Variants in DLX1 observed in about 807,000 individuals in gnomAD.
The protein encoded by DLX1 is distal-less homeobox 1.
In DLX1, 7 loss-of-function variants were observed where a neutral mutation model predicts 25.0. The ratio of observed to expected loss-of-function variants is 0.28; its 90% CI spans 0.16 to 0.52. The LOEUF (loss-of-function observed/expected upper bound fraction) is 0.52, where lower values mean the gene tolerates loss of function less well. DLX1 is among the 20% of genes least tolerant of loss of function. DLX1 has a pLI of 0.96. For missense variants in DLX1, 233 were observed against 334.4 expected, an observed-to-expected ratio of 0.70 and a Z score of 2.37; for synonymous variants, 155 against 140.3, an observed-to-expected ratio of 1.10 and a Z score of -0.74.
At chr2:172,086,071 GGAGAGA>G in intron 1 of DLX1, 81 bp downstream of exon 1, 1 of 1,052,336 alleles carries the variant, frequency 9.5e-7, no homozygotes, top group Non-Finnish European at 1.3e-6. Context: ...AAGAGGAGAG[GGAGAGA>G]GAGAGAAAGA....
chr2:172,086,786 A>G lies in DLX1; in HGVS notation c.446A>G (p.Gln149Arg). Residue 149 changes from glutamine to arginine, a missense_variant, in exon 2 of 3, where the codon CAA (glutamine) becomes CGA (arginine). Gln to Arg is a conservative substitution (Grantham distance 43, BLOSUM62 1). Around this residue, in one of 3 missense-constraint regions of DLX1, gnomAD observed 23 missense variants for 82.2 expected, o/e 0.28. Transcript: ENST00000361725. Reference protein sequence around the residue: ...QLQALNRRFQQTQYLALPERA... With the variant: ...QLQALNRRFQRTQYLALPERA... ...CAGGCTTTGAACCGGAGGTTCCAGCAAACTCAGTACCTAGCTCTGCCGGAG... is the reference window on the plus strand; with the variant it reads ...CAGGCTTTGAACCGGAGGTTCCAGCGAACTCAGTACCTAGCTCTGCCGGAG... The G allele has an allele frequency of 6.2e-7, 1 of 1,614,126 alleles. No individual in the cohort carries two copies. The highest frequency in any genetic ancestry group is 8.5e-7 in the Non-Finnish European group (1 of 1,179,960).
chr2:172,086,874 C>T (rs781505727), intron 2 of DLX1, 21 bp downstream of exon 2: 10 of 1,613,602 alleles, frequency 6.2e-6, no homozygotes, highest in Non-Finnish European at 8.5e-6. Context: ...GCTGCCGCTC[C>T]GTTCTGCCAC....
At position 172,089,268 on chromosome 2, in the gene DLX1, G is replaced by T. The variant is rs1002228657; in HGVS notation, c.*1011G>T. ...CTAATTCCAGTGGGCTTTAAAATAAGACAAAATCAGCTTTACAACAATCCC... is the reference window on the plus strand; with the variant it reads ...CTAATTCCAGTGGGCTTTAAAATAATACAAAATCAGCTTTACAACAATCCC... On this transcript the variant is annotated 3_prime_UTR_variant, in exon 3 of 3. Coordinates refer to ENST00000361725, the MANE Select transcript of DLX1 (RefSeq NM_178120.5). The T allele has an allele frequency of 6.6e-6, 1 of 152,118 alleles. No homozygotes were observed. Among genetic ancestry groups the T allele is most frequent in the African/African-American group, 2.4e-5 (1 of 41,400 alleles). 9.4% of individuals were successfully genotyped at this position (152,118 alleles called of 1,614,324 possible).
At position 172,089,393 on chromosome 2, in the gene DLX1, GTTATTA is replaced by G. The variant is rs1274557027; in HGVS notation, c.*1139_*1144del. 3.9e-5 allele frequency: 6 copies of G among 152,534 alleles called. No homozygotes were observed. The highest frequency in any genetic ancestry group is 8.8e-5 in the Non-Finnish European group (6 of 67,990). 9.4% of individuals were successfully genotyped at this position (152,534 alleles called of 1,614,324 possible). A position where few individuals can be genotyped will look rare whatever the true frequency, so the allele number is the denominator to read the frequency against. On this transcript the variant is annotated 3_prime_UTR_variant, in exon 3 of 3. Transcript: ENST00000361725. Reference sequence around the variant, plus strand: ...ACATATTATTGTTATTATTATTATTGTTATTATTGTTGTTCTGTAAACATGTTGCAC... The same window carrying G: ...ACATATTATTGTTATTATTATTATTGTTGTTGTTCTGTAAACATGTTGCAC...
In DLX1 at chr2:172,085,542, C is replaced by T; in HGVS notation, c.-136C>T. ...TGCTTAGACTTTTCAAAGAGACAAA[C>T]TCCATTTTCTTATGAATGGAAAGTG... is the stretch of plus-strand genomic sequence containing the variant. On this transcript the variant is annotated 5_prime_UTR_variant, in exon 1 of 3. Coordinates refer to ENST00000361725, the MANE Select transcript of DLX1 (RefSeq NM_178120.5). The surrounding 1 kb of genome is among the most constrained non-coding windows in gnomAD (Gnocchi z 4.3). The T allele has an allele frequency of 1.1e-6, 1 of 917,472 alleles. No individual in the cohort carries two copies. The highest frequency in any genetic ancestry group is 1.6e-6 in the Non-Finnish European group (1 of 607,274). 56.8% of individuals were successfully genotyped at this position (917,472 alleles called of 1,614,324 possible). A position where few individuals can be genotyped will look rare whatever the true frequency, so the allele number is the denominator to read the frequency against.
At chr2:172,087,109 G>A (rs778083841) in intron 2 of DLX1, 2 of 692,738 alleles carry the variant, frequency 2.9e-6, no homozygotes, top group South Asian at 1.5e-5. Context: ...GCGCAGGAAG[G>A]ATTTCCCCAG....
chr2:172,087,784 C>T (rs1286990874), intron 2 of DLX1, among the ~76,000 whole-genome samples: 1 of 149,332 alleles, frequency 6.7e-6, no homozygotes, highest in Non-Finnish European at 1.5e-5. Flanking sequence ...GAGCTGCCCC[C>T]GTGGGCTGAC....
At position 172,085,514 on chromosome 2, in the gene DLX1, T is replaced by A; in HGVS notation, c.-164T>A. The A allele has an allele frequency of 1.4e-6, 1 of 705,828 alleles. No homozygotes were observed. Among genetic ancestry groups the A allele is most frequent in the Admixed American group, 2.9e-5 (1 of 34,298 alleles). The allele number at this position is 705,828 out of a possible 1,614,324, so 43.7% of individuals were successfully genotyped here. A position where few individuals can be genotyped will look rare whatever the true frequency, so the allele number is the denominator to read the frequency against. On this transcript the variant is annotated 5_prime_UTR_variant, in exon 1 of 3. Coordinates refer to ENST00000361725, the MANE Select transcript of DLX1 (RefSeq NM_178120.5). This position sits in a 1 kb window ranked among gnomAD's most constrained non-coding sequence, Gnocchi z 4.3. ...ACCGAGTTTGGGGAGCTCAGCAGCA[T>A]CATGCTTAGACTTTTCAAAGAGACA... is the stretch of plus-strand genomic sequence containing the variant.
intron 2 of DLX1, chr2:172,087,380 G>A (rs1690864099): frequency 2.5e-5 from 10 of 397,554 alleles, no homozygotes; most frequent in Non-Finnish European, 5.0e-5. Flanking sequence ...ACTCCGGGGA[G>A]CCCGTGAGCG....
At chr2:172,087,273 G>C (rs1374271883) in intron 2 of DLX1, 2 of 384,114 alleles carry the variant, frequency 5.2e-6, no homozygotes, top group Non-Finnish European at 1.0e-5. Flanking sequence ...CTTCTTACCG[G>C]TTGGGGGTGG....
intron 2 of DLX1, chr2:172,087,466 A>G (rs1389594078): frequency 2.2e-6 from 1 of 454,322 alleles, no homozygotes; most frequent in Non-Finnish European, 4.4e-6. Context: ...GCAAACAGAC[A>G]CTAGTGCAAG....
At chr2:172,087,958 G>C in intron 2 of DLX1, 45 bp from the exon 3 acceptor site, 2 of 1,506,264 alleles carry the variant, frequency 1.3e-6, no homozygotes, top group Non-Finnish European at 8.9e-7. Context: ...ACCTAGGTAG[G>C]CTCAGTGGTC....
At chr2:172,087,624 T>G in intron 2 of DLX1, 1 of 491,886 alleles carries the variant, frequency 2.0e-6, no homozygotes, top group Non-Finnish European at 4.0e-6. Flanking sequence ...TTCGATTCTT[T>G]TTATTGATGT....
In DLX1 at chr2:172,088,438, G is replaced by C. The variant is rs1162993392; in HGVS notation, c.*181G>C. 2.6e-6 allele frequency: 2 copies of C among 772,026 alleles called. No homozygotes were observed. Among genetic ancestry groups the C allele is most frequent in the Non-Finnish European group, 3.6e-6 (2 of 549,500 alleles). The allele number at this position is 772,026 out of a possible 1,614,324, so 47.8% of individuals were successfully genotyped here. ...GCAACTTCCCGGCATCCGCGCTCTA[G>C]CCTGAACCCTGGCCTGGGCCGAGCA... is the stretch of plus-strand genomic sequence containing the variant. On this transcript the variant is annotated 3_prime_UTR_variant, in exon 3 of 3. Coordinates refer to ENST00000361725, the MANE Select transcript of DLX1 (RefSeq NM_178120.5).
intron 1 of DLX1, 71 bp from the exon 2 acceptor site, chr2:172,086,583 C>A: frequency 7.0e-7 from 1 of 1,423,262 alleles, no homozygotes; most frequent in South Asian, 1.4e-5. Flanking sequence ...GGTAGCCACT[C>A]GCTCTCGGCT....
chr2:172,088,252 A>C lies in DLX1; in HGVS notation c.763A>C (p.Met255Leu), dbSNP rs1374760175. The C allele has an allele frequency of 1.4e-6, 2 of 1,478,952 alleles. No homozygotes were observed. Among genetic ancestry groups the C allele is most frequent in the Admixed American group, 2.3e-5 (1 of 43,734 alleles). 91.6% of individuals were successfully genotyped at this position (1,478,952 alleles called of 1,614,324 possible). A position where few individuals can be genotyped will look rare whatever the true frequency, so the allele number is the denominator to read the frequency against. ...HQEAMQQPQLM is the reference protein window; with the variant it reads ...HQEAMQQPQLL ...AGAAGCTATGCAGCAACCCCAACTTATGTGAGGTTGCCCGCCCGTCTCCTT... is the reference window on the plus strand; with the variant it reads ...AGAAGCTATGCAGCAACCCCAACTTCTGTGAGGTTGCCCGCCCGTCTCCTT... Residue 255 changes from methionine to leucine, a missense_variant, in exon 3 of 3, where the codon ATG becomes CTG. Met to Leu is a conservative substitution (Grantham distance 15). Coordinates refer to ENST00000361725, the MANE Select transcript of DLX1 (RefSeq NM_178120.5).
chr2:172,087,396 G>T, intron 2 of DLX1: 3 of 410,246 alleles, frequency 7.3e-6, no homozygotes, highest in Non-Finnish European at 1.5e-5. Flanking sequence ...GAGCGTTCCT[G>T]ACGGCGGCGG....
In DLX1 at chr2:172,087,087, A is replaced by T. The variant is rs1389797520; in HGVS notation, c.513+234A>T. On this transcript the variant is annotated intron_variant, in intron 2 of 2. Transcript: ENST00000361725. ...GCCGTCCGGCCCTCTGTCCCTGGAC[A>T]ATCTGATTAGGGCGCAGGAAGGATT... 4.2e-6 allele frequency: 3 copies of T among 708,226 alleles called. No homozygotes were observed. The East Asian group carries it at 8.2e-5, about 19-fold the overall frequency. The allele number at this position is 708,226 out of a possible 1,614,324, so 43.9% of individuals were successfully genotyped here. A position where few individuals can be genotyped will look rare whatever the true frequency, so the allele number is the denominator to read the frequency against.
chr2:172,086,551 G>A (rs994779066), intron 1 of DLX1, 103 bp from the exon 2 acceptor site: 3 of 1,147,204 alleles, frequency 2.6e-6, no homozygotes, highest in South Asian at 3.1e-5. Context: ...TTCTCTCCCT[G>A]GTGCTGCCTC....
Sources: allele counts gnomAD v4.1 joint callset (sites outside exome capture counted in the v4.1 genomes callset), GRCh38; gene constraint gnomAD v4.1.1; regional missense constraint gnomAD v4.1.1; non-coding constraint Gnocchi (gnomAD v3.1); transcripts MANE v1.5; gene names NCBI Gene and HGNC (gene_info 2026-07-23, HGNC 2026-07-21).